The following ACSL3 variants were observed in gnomAD, a reference collection of about 807,000 sequenced individuals.
ACSL3 encodes fatty acid CoA ligase Acsl3.
ACSL3 carries 34 observed loss-of-function variants against 84.7 expected under a neutral mutation model. The ratio of observed to expected loss-of-function variants is 0.40; its 90% CI spans 0.31 to 0.53. ACSL3 has a LOEUF of 0.53. ACSL3 is among the 20% of genes least tolerant of loss of function. ACSL3 has a pLI of 0.48. For missense variants in ACSL3, 680 were observed against 873.1 expected (o/e 0.78, Z 2.79); for synonymous variants, 315 against 299.4 (o/e 1.05, Z -0.54).
chr2:222,873,306 T>C (rs537326743), intron 1 of ACSL3, among the ~76,000 whole-genome samples: 60 of 152,106 alleles, frequency 3.9e-4, no homozygotes, highest in African/African-American at 1.4e-3. Flanking sequence ...TGGGAAACTT[T>C]TCAGCTAGAT....
intron 12 of ACSL3, among the ~76,000 whole-genome samples, chr2:222,928,609 C>T (rs183979670): frequency 4.0e-5 from 6 of 148,650 alleles, no homozygotes; most frequent in East Asian, 2.1e-4. Flanking sequence ...TCCACACTTA[C>T]ATCTAAAATT....
At chr2:222,935,756 ATTTC>A (rs1312294186) in intron 16 of ACSL3, among the ~76,000 whole-genome samples, 4 of 151,958 alleles carry the variant, frequency 2.6e-5, no homozygotes, top group Admixed American at 6.6e-5. Context: ...AATTTTGCAT[ATTTC>A]TTTCTTTTAT....
intron 3 of ACSL3, among the ~76,000 whole-genome samples, chr2:222,908,073 G>A (rs956625115): frequency 2.0e-5 from 3 of 152,184 alleles, no homozygotes; most frequent in South Asian, 2.1e-4. Flanking sequence ...AACTTAGGCC[G>A]TTTTGTTTAC....
intron 1 of ACSL3, among the ~76,000 whole-genome samples, chr2:222,881,044 G>A (rs1445121711): frequency 1.3e-5 from 2 of 152,150 alleles, no homozygotes; most frequent in African/African-American, 2.4e-5. Context: ...CTAAAGTGCA[G>A]TGCTGTTCAG....
intron 3 of ACSL3, among the ~76,000 whole-genome samples, chr2:222,903,500 G>A (rs1438791451): frequency 6.6e-6 from 1 of 152,180 alleles, no homozygotes; most frequent in Non-Finnish European, 1.5e-5. Flanking sequence ...ACTCAAAGAT[G>A]TTGCTGGGAT....
At chr2:222,882,739 T>A (rs758980449) in intron 1 of ACSL3, among the ~76,000 whole-genome samples, 163 of 149,024 alleles carry the variant, frequency 1.1e-3, no homozygotes, top group Non-Finnish European at 1.7e-3. Context: ...TCCTGATTTG[T>A]CTGGAATACC....
chr2:222,942,268 TTTA>T lies in ACSL3; in HGVS notation c.*617_*619del, dbSNP rs1448524301. 7 of 185,128 alleles carry T rather than the reference TTTA, an allele frequency of 3.8e-5. No individual in the cohort carries two copies. The East Asian group carries it at 5.3e-4, about 14-fold the overall frequency. The allele number at this position is 185,128 out of a possible 1,614,324, so 11.5% of individuals were successfully genotyped here. A position where few individuals can be genotyped will look rare whatever the true frequency, so the allele number is the denominator to read the frequency against. ...TGCCTGTCAGTGTCTTCTTTATATA[TTTA>T]TTTTTTATTAGAAAAAATGAAGTTT... On this transcript the variant is annotated 3_prime_UTR_variant, in exon 17 of 17. Transcript: ENST00000357430.
intron 1 of ACSL3, among the ~76,000 whole-genome samples, chr2:222,873,961 A>G (rs935340999): frequency 6.6e-6 from 1 of 152,222 alleles, no homozygotes; most frequent in Admixed American, 6.5e-5. Context: ...TTGTACTTAT[A>G]TATCTGTGCC....
intron 2 of ACSL3, among the ~76,000 whole-genome samples, chr2:222,891,533 A>G (rs1695845709): frequency 6.6e-6 from 1 of 152,176 alleles, no homozygotes; most frequent in African/African-American, 2.4e-5. Context: ...TAGAAGAGGG[A>G]TAAAAGCTGT....
chr2:222,884,109 G>T (rs1464208539), intron 1 of ACSL3, among the ~76,000 whole-genome samples: 1 of 152,070 alleles, frequency 6.6e-6, no homozygotes, highest in Non-Finnish European at 1.5e-5. Flanking sequence ...CAAATATCTG[G>T]TGATTAAGAA....
At chr2:222,922,114 G>C (rs1012306531) in intron 8 of ACSL3, among the ~76,000 whole-genome samples, 1 of 152,110 alleles carries the variant, frequency 6.6e-6, no homozygotes, top group African/African-American at 2.4e-5. Flanking sequence ...TTACAGGTTT[G>C]CCTCAGTTAC....
rs79569124 is a variant in ACSL3 at position 222,908,117 on chromosome 2, C to T, written c.-40-616C>T. On this transcript the variant is annotated intron_variant, in intron 3 of 16. Transcript: ENST00000357430. Reference sequence around the variant, plus strand: ...TCGCAGTGCTTAGAACGATATCTAACATAGTGGATTTTCAATAAATCTGAT... The same window carrying T: ...TCGCAGTGCTTAGAACGATATCTAATATAGTGGATTTTCAATAAATCTGAT... Among the ~76,000 whole-genome samples, 13 of 152,300 alleles carry T rather than the reference C, an allele frequency of 8.5e-5. No homozygotes were observed. The East Asian group carries it at 2.5e-3, about 29-fold the overall frequency.
In ACSL3 at chr2:222,890,275, A is replaced by G. The variant is rs141333140; in HGVS notation, c.-148+2387A>G. On this transcript the variant is annotated intron_variant, in intron 2 of 16. Transcript: ENST00000357430. Reference sequence around the variant, plus strand: ...GGGGTGGGAAGGGGAGTGGAGGAAGAGAAAAGGAAACATCTAAGTAATCTT... The same window carrying G: ...GGGGTGGGAAGGGGAGTGGAGGAAGGGAAAAGGAAACATCTAAGTAATCTT... Among the ~76,000 whole-genome samples the G allele has an allele frequency of 5.1e-3, 775 of 152,322 alleles. 5 individuals are homozygous for G. Among genetic ancestry groups the G allele is most frequent in the Admixed American group, 9.7e-3 (148 of 15,300 alleles).
At chr2:222,861,918 C>T (rs542088479) in intron 1 of ACSL3, among the ~76,000 whole-genome samples, 3 of 152,188 alleles carry the variant, frequency 2.0e-5, no homozygotes, top group East Asian at 1.9e-4. Context: ...TACCAGCAGT[C>T]CTGTGGGGTA....
chr2:222,867,746 A>G (rs1695190377), intron 1 of ACSL3, among the ~76,000 whole-genome samples: 1 of 152,114 alleles, frequency 6.6e-6, no homozygotes, highest in African/African-American at 2.4e-5. Flanking sequence ...TACAAACATT[A>G]TTACCGTTAA....
rs1574574529 is a variant in ACSL3, at chr2:222,941,862, A to G, written c.*208A>G. 2.0e-6 allele frequency: 1 copy of G among 491,512 alleles called. No individual in the cohort carries two copies. The highest frequency in any genetic ancestry group is 3.3e-5 in the East Asian group (1 of 29,940). 30.4% of individuals were successfully genotyped at this position (491,512 alleles called of 1,614,324 possible). On this transcript the variant is annotated 3_prime_UTR_variant, in exon 17 of 17. Transcript: ENST00000357430. ...TCTTCTTTCATTTTCCCCGCCACCA[A>G]CTTACTTTACCACCTATGACTGTAC...
At chr2:222,906,664 G>T (rs1266241896) in intron 3 of ACSL3, among the ~76,000 whole-genome samples, 4 of 151,444 alleles carry the variant, frequency 2.6e-5, no homozygotes, top group Non-Finnish European at 5.9e-5. Flanking sequence ...TGCTGGGCTG[G>T]AGTGCAGTGG....
intron 16 of ACSL3, among the ~76,000 whole-genome samples, chr2:222,938,866 T>G (rs1403572084): frequency 6.6e-6 from 1 of 152,192 alleles, no homozygotes; most frequent in African/African-American, 2.4e-5. Context: ...GTTCATAGAT[T>G]CTTTTTTCTA....
intron 1 of ACSL3, among the ~76,000 whole-genome samples, chr2:222,865,095 A>G (rs1695103951): frequency 6.6e-6 from 1 of 152,184 alleles, no homozygotes; most frequent in African/African-American, 2.4e-5. Flanking sequence ...AAAAGGAGAC[A>G]TTGTAAATGT....
Sources: allele counts gnomAD v4.1 joint callset (sites outside exome capture counted in the v4.1 genomes callset), GRCh38; gene constraint gnomAD v4.1.1; transcripts MANE v1.5; gene names NCBI Gene and HGNC (gene_info 2026-07-23, HGNC 2026-07-21).